KIF26B: variants seen among roughly 807,000 people sequenced by gnomAD.
KIF26B encodes the protein kinesin-like protein KIF26B.
Under a neutral mutation model 151.2 loss-of-function variants are expected in KIF26B, and 63 were observed. That is an observed-to-expected ratio of 0.42 (90% CI 0.34 to 0.51). KIF26B has a LOEUF of 0.51. KIF26B is among the 20% of genes least tolerant of loss of function. The pLI, the probability that KIF26B is intolerant of heterozygous loss-of-function variation, is 0.07. For missense variants in KIF26B, 2,813 were observed against 2,913.6 expected (o/e 0.97, Z 0.79); for synonymous variants, 1,357 against 1,262.1 (o/e 1.08, Z -1.59).
chr1:245,669,816 C>T (rs1027126882), intron 10 of KIF26B, among the ~76,000 whole-genome samples: 1 of 152,046 alleles, frequency 6.6e-6, no homozygotes, highest in Non-Finnish European at 1.5e-5. Flanking sequence ...CCAGCAATTC[C>T]ATTCCTAGGT....
chr1:245,609,362 G>T lies in KIF26B; in HGVS notation c.1748G>T (p.Arg583Leu), dbSNP rs574005223. The T allele has an allele frequency of 5.1e-5, 82 of 1,610,668 alleles. 2 individuals are homozygous for T. In the South Asian group the frequency reaches 8.8e-4, roughly 17 times the overall value. Reference protein sequence around the residue: ...ISWLFKLINERKEKTGARFSV... With the variant: ...ISWLFKLINELKEKTGARFSV... ...TGGCTCTTCAAGCTCATAAACGAACGCAAGGAAAAGACCGGCGCCCGTTTC... is the reference window on the plus strand; with the variant it reads ...TGGCTCTTCAAGCTCATAAACGAACTCAAGGAAAAGACCGGCGCCCGTTTC... The change falls in exon 8 of 15, where the codon CGC (arginine) becomes CTC (leucine). Residue 583 changes from arginine (R) to leucine (L), a missense_variant. Arg to Leu is a moderately radical substitution (Grantham distance 102). This residue lies in a region of KIF26B where 77 missense variants were observed against 136.9 expected (regional missense o/e 0.56). Coordinates refer to ENST00000407071, the MANE Select transcript of KIF26B (RefSeq NM_018012.4).
Position 245,447,450 on chromosome 1 carries a change from A to G in KIF26B, c.1166+27705A>G, listed in dbSNP as rs78755792. On this transcript the variant is annotated intron_variant, in intron 4 of 14. Transcript: ENST00000407071. ...TCCCATATGGGAAACTTGATCTTCA[A>G]TGCTATAGTATTAAAAGATGGAGCC... Among the ~76,000 whole-genome samples the G allele has an allele frequency of 4.5e-3, 681 of 152,272 alleles. 4 individuals are homozygous for G. Among genetic ancestry groups the G allele is most frequent in the Middle Eastern group, 0.017 (5 of 294 alleles).
chr1:245,554,491 A>C (rs1462762164), intron 5 of KIF26B, among the ~76,000 whole-genome samples: 1 of 152,210 alleles, frequency 6.6e-6, no homozygotes, highest in Admixed American at 6.5e-5. Flanking sequence ...TACCCAGATG[A>C]GTTAAACATG....
chr1:245,593,908 T>G (rs1382357172), intron 5 of KIF26B, among the ~76,000 whole-genome samples: 1 of 152,262 alleles, frequency 6.6e-6, no homozygotes, highest in Non-Finnish European at 1.5e-5. Context: ...TGCTTTGCAT[T>G]TCCCTAATGA....
At chr1:245,634,831 A>G (rs1291431567) in intron 9 of KIF26B, among the ~76,000 whole-genome samples, 1 of 151,942 alleles carries the variant, frequency 6.6e-6, no homozygotes, top group East Asian at 1.9e-4. Context: ...CTTCCATCTC[A>G]GCCTCCCAAC....
At chr1:245,565,597 C>T (rs182177745) in intron 5 of KIF26B, among the ~76,000 whole-genome samples, 4 of 152,160 alleles carry the variant, frequency 2.6e-5, no homozygotes, top group South Asian at 2.1e-4. Flanking sequence ...GCCTCTGATG[C>T]GTTCTTGCCG....
In KIF26B at chr1:245,685,550, C is replaced by T; in HGVS notation, c.2567C>T (p.Ser856Phe). 6.2e-7 allele frequency: 1 copy of T among 1,613,910 alleles called. No individual in the cohort carries two copies. The highest frequency in any genetic ancestry group is 8.5e-7 in the Non-Finnish European group (1 of 1,179,894). The change falls in exon 12 of 15, where the codon TCC becomes TTC. Residue 856 changes from serine to phenylalanine, a missense_variant. Ser to Phe is a radical substitution (Grantham distance 155). Transcript: ENST00000407071. ...AHLSSDPDYS[S>F]SSEQSCDTVI... ...CTGTCCAGCGACCCCGACTACTCCT[C>T]CAGCAGCGAGCAGTCCTGCGACACC... is the stretch of plus-strand genomic sequence containing the variant.
intron 10 of KIF26B, among the ~76,000 whole-genome samples, chr1:245,647,800 AT>A (rs1384011279): frequency 6.6e-6 from 1 of 152,196 alleles, no homozygotes; most frequent in Non-Finnish European, 1.5e-5. Flanking sequence ...CAGGAGAACC[AT>A]TACTGGACTG....
chr1:245,274,948 A>C (rs1670913853), intron 2 of KIF26B, among the ~76,000 whole-genome samples: 1 of 152,238 alleles, frequency 6.6e-6, no homozygotes. Flanking sequence ...CCAACAGTGT[A>C]AAAGCATTCC....
chr1:245,481,664 G>A (rs748804571), intron 4 of KIF26B, among the ~76,000 whole-genome samples: 2 of 151,888 alleles, frequency 1.3e-5, no homozygotes, highest in Non-Finnish European at 2.9e-5. Context: ...ATAAAGACAA[G>A]GAAGAGATTT....
intron 9 of KIF26B, among the ~76,000 whole-genome samples, chr1:245,627,123 T>C (rs1322122364): frequency 1.3e-5 from 2 of 152,234 alleles, no homozygotes; most frequent in Admixed American, 1.3e-4. Context: ...GCCTGTTTTA[T>C]GTTACAGTAG....
intron 2 of KIF26B, among the ~76,000 whole-genome samples, chr1:245,211,092 T>C (rs1258598775): frequency 1.3e-5 from 2 of 152,186 alleles, no homozygotes; most frequent in Non-Finnish European, 2.9e-5. Flanking sequence ...GCGATGGGCC[T>C]GAACGGGAGA....
chr1:245,434,814 A>G (rs1658864362), intron 4 of KIF26B, among the ~76,000 whole-genome samples: 1 of 152,072 alleles, frequency 6.6e-6, no homozygotes, highest in Non-Finnish European at 1.5e-5. Flanking sequence ...GCTTGAGAAC[A>G]CAGACTCTGG....
chr1:245,431,235 G>A (rs907519076), intron 4 of KIF26B, among the ~76,000 whole-genome samples: 2 of 152,162 alleles, frequency 1.3e-5, no homozygotes, highest in Non-Finnish European at 2.9e-5. Context: ...CTGGAGTGCA[G>A]TGGTGCGATC....
chr1:245,248,336 G>A (rs1039012469), intron 2 of KIF26B, among the ~76,000 whole-genome samples: 3 of 152,154 alleles, frequency 2.0e-5, no homozygotes, highest in African/African-American at 7.2e-5. Flanking sequence ...CGCCTGGCAT[G>A]CCTCCGCCTG....
intron 2 of KIF26B, among the ~76,000 whole-genome samples, chr1:245,177,584 G>C (rs367576626): frequency 1.3e-5 from 2 of 152,034 alleles, no homozygotes; most frequent in African/African-American, 2.4e-5. Context: ...AGTTGCTGTA[G>C]CGCCATTATT....
chr1:245,679,629 C>A (rs2044406181), intron 10 of KIF26B, among the ~76,000 whole-genome samples: 1 of 151,688 alleles, frequency 6.6e-6, no homozygotes, highest in African/African-American at 2.4e-5. Context: ...CCACCATGCC[C>A]AGATAATTTT....
intron 3 of KIF26B, chr1:245,370,770 G>A (rs1182594203): frequency 2.1e-5 from 8 of 382,432 alleles, no homozygotes; most frequent in African/African-American, 4.2e-5. Context: ...TTATTTGTGC[G>A]TTTCTTTTAT....
intron 10 of KIF26B, among the ~76,000 whole-genome samples, chr1:245,677,112 C>G (rs1481346774): frequency 1.3e-5 from 2 of 152,216 alleles, no homozygotes; most frequent in African/African-American, 4.8e-5. Flanking sequence ...TAGTTCAAGA[C>G]CTCTGCCAAC....
Sources: allele counts gnomAD v4.1 joint callset (sites outside exome capture counted in the v4.1 genomes callset), GRCh38; gene constraint gnomAD v4.1.1; regional missense constraint gnomAD v4.1.1; transcripts MANE v1.5; gene names NCBI Gene and HGNC (gene_info 2026-07-23, HGNC 2026-07-21).